The following SIGIRR variants were observed in gnomAD, a reference collection of about 807,000 sequenced individuals.
SIGIRR encodes single Ig and TIR domain containing.
A neutral mutation model predicts 45.6 loss-of-function variants in SIGIRR; 41 were observed. The ratio of observed to expected loss-of-function variants is 0.90; its 90% confidence interval spans 0.70 to 1.17. The LOEUF is 1.17. Ranked by LOEUF, SIGIRR falls within the 50% of genes most tolerant of loss-of-function variation. The probability of loss-of-function intolerance (pLI) is 0.00; values close to 1 mark genes in which losing one functional copy is unlikely to be tolerated. For missense variants in SIGIRR, 599 were observed against 539.6 expected (o/e 1.11, Z -1.09); for synonymous variants, 298 against 239.0 (o/e 1.25, Z -2.28).
rs766709278 is a variant in SIGIRR at position 407,546 on chromosome 11, G to C, written c.504C>G (p.Tyr168Ter). 4.4e-6 allele frequency: 7 copies of C among 1,609,012 alleles called. No individual in the cohort carries two copies. In the African/African-American group the frequency reaches 6.7e-5, roughly 15 times the overall value. Residue 168 changes from tyrosine (Y) to a stop codon, truncating the protein, a stop_gained, in exon 6 of 10, where the codon TAC becomes TAG. Transcript: ENST00000431843. LOFTEE classifies it high-confidence loss of function. ...EINDGKLYDA[Y>*]VSYSDCPEDR... The stretch of plus-strand genomic sequence containing the variant: ...CCTCGGGGCAGTCGCTGTAGGAGAC[G>C]TAGGCGTCGTAGAGCTTCCCGTCTG...
chr11:409,197 C>T, intron 2 of SIGIRR: 2 of 493,826 alleles, frequency 4.1e-6, no homozygotes, highest in Non-Finnish European at 7.6e-6. Context: ...TGAGTCCAGC[C>T]CCCCATTTCC....
Position 407,459 on chromosome 11 carries a change from G to A in SIGIRR, c.591C>T (p.Leu197=). ...PQLERRRGYK[L]FLDDRDLLPR... is the part of the protein sequence containing the mutation. ...GCAGGAGGTCGCGGTCGTCCAGGAA[G>A]AGCTTGTAGCCCCGACGCCGCTCCA... Residue 197 remains leucine, a synonymous_variant, in exon 6 of 10, where the codon CTC becomes CTT. Transcript: ENST00000431843. The A allele has an allele frequency of 1.3e-6, 2 of 1,562,894 alleles. No homozygotes were observed.
At chr11:409,844 C>G (rs766520528) in intron 2 of SIGIRR, 24 bp downstream of exon 2, 57 of 1,360,822 alleles carry the variant, frequency 4.2e-5, no homozygotes, top group Non-Finnish European at 5.2e-5. Flanking sequence ...GGAATTCAAG[C>G]CCATCCCTCT....
rs773176797 is a variant in SIGIRR at position 406,449 on chromosome 11, C to T, written c.969G>A (p.Gln323=). ...GCATGGGGTCCTTGTCGTCCTGCAG[C>T]TGCGTCTGGGGGTCTCCTTCCACAG... ...YRPVEGDPQT[Q]LQDDKDPMLI... is the part of the protein sequence containing the mutation. The change falls in exon 9 of 10, where the codon CAG becomes CAA. Residue 323 remains glutamine, a synonymous_variant. Transcript: ENST00000431843. 1.9e-6 allele frequency: 3 copies of T among 1,612,640 alleles called. No homozygotes were observed. The highest frequency in any genetic ancestry group is 2.5e-6 in the Non-Finnish European group (3 of 1,179,926).
intron 6 of SIGIRR, 122 bp downstream of exon 6, chr11:407,303 C>CG (rs1847374811): frequency 2.7e-5 from 16 of 602,186 alleles, no homozygotes; most frequent in Non-Finnish European, 1.7e-5. Flanking sequence ...GGCGGGGCCT[C>CG]GGGTGGGCGG....
Position 406,431 on chromosome 11 carries a change from G to A in SIGIRR, c.987C>T (p.Asp329=), listed in dbSNP as rs768276736. The A allele has an allele frequency of 1.9e-6, 3 of 1,612,766 alleles. No homozygotes were observed. Among genetic ancestry groups the A allele is most frequent in the East Asian group, 4.5e-5 (2 of 44,882 alleles). ...DPQTQLQDDK[D]PMLILRGRVP... is the part of the protein sequence containing the mutation. The stretch of plus-strand genomic sequence containing the variant: ...CTCGGCCTCGAAGAATCAGCATGGG[G>A]TCCTTGTCGTCCTGCAGCTGCGTCT... Residue 329 remains aspartate, a synonymous_variant, in exon 9 of 10, where the codon GAC becomes GAT. Coordinates refer to ENST00000431843, the MANE Select transcript of SIGIRR (RefSeq NM_001135054.2).
At chr11:410,261 C>A (rs892043783) in intron 1 of SIGIRR, among the ~76,000 whole-genome samples, 1 of 152,092 alleles carries the variant, frequency 6.6e-6, no homozygotes, top group Non-Finnish European at 1.5e-5. Flanking sequence ...CCAGGATCAC[C>A]TCCACCGGCC....
chr11:407,376 CG>C, intron 6 of SIGIRR, 48 bp downstream of exon 6: 2 of 1,153,038 alleles, frequency 1.7e-6, no homozygotes, highest in Non-Finnish European at 2.2e-6. Context: ...TGGGGCGGGG[CG>C]GGGCGGGCCC....
At chr11:409,038 G>C (rs1847477034) in intron 2 of SIGIRR, 145 bp from the exon 3 acceptor site, 1 of 728,432 alleles carries the variant, frequency 1.4e-6, no homozygotes. Flanking sequence ...ATGGGGACAG[G>C]CTTAGCACTT....
intron 3 of SIGIRR, among the ~76,000 whole-genome samples, 180 bp from the exon 4 acceptor site, chr11:408,386 G>A (rs182599278): frequency 6.6e-5 from 10 of 152,300 alleles, no homozygotes; most frequent in East Asian, 1.9e-4. Context: ...CAGAACAGCC[G>A]TCCCAGTCCT....
chr11:413,106 G>A (rs1847746070), intron 1 of SIGIRR, among the ~76,000 whole-genome samples: 2 of 152,168 alleles, frequency 1.3e-5, no homozygotes, highest in African/African-American at 4.8e-5. Flanking sequence ...GGACACAGTG[G>A]AAGTGGGGAT....
intron 1 of SIGIRR, among the ~76,000 whole-genome samples, chr11:412,130 G>A (rs1335701555): frequency 3.0e-5 from 1 of 33,386 alleles, no homozygotes; most frequent in African/African-American, 1.1e-4. Flanking sequence ...ACAGTCGGGG[G>A]GAGGTGCCCA....
chr11:410,456 C>A lies in SIGIRR; in HGVS notation c.-153-429G>T, dbSNP rs1043380395. ...GGGGTGTGAGTGATGTAACCTACACCATGGGAGATGCCCAGCTCTGACCAT... is the reference window on the plus strand; with the variant it reads ...GGGGTGTGAGTGATGTAACCTACACAATGGGAGATGCCCAGCTCTGACCAT... On this transcript the variant is annotated intron_variant, in intron 1 of 9. Transcript: ENST00000431843. Among the ~76,000 whole-genome samples, 10 of 152,228 alleles carry A rather than the reference C, an allele frequency of 6.6e-5. 1 individual carries two copies. The South Asian group carries it at 2.1e-3, about 32-fold the overall frequency.
In SIGIRR at chr11:406,433, C is replaced by T. The variant is rs373913320; in HGVS notation, c.985G>A (p.Asp329Asn). Residue 329 changes from aspartate (D) to asparagine (N), a missense_variant, in exon 9 of 10, where the codon GAC (aspartate) becomes AAC (asparagine). Coordinates refer to ENST00000431843, the MANE Select transcript of SIGIRR (RefSeq NM_001135054.2). Reference sequence around the variant, plus strand: ...CGGCCTCGAAGAATCAGCATGGGGTCCTTGTCGTCCTGCAGCTGCGTCTGG... The same window carrying T: ...CGGCCTCGAAGAATCAGCATGGGGTTCTTGTCGTCCTGCAGCTGCGTCTGG... ...DPQTQLQDDK[D>N]PMLILRGRVP... 1 of 1,612,780 alleles carries T rather than the reference C, an allele frequency of 6.2e-7. No homozygotes were observed. Among genetic ancestry groups the T allele is most frequent in the South Asian group, 1.1e-5 (1 of 91,092 alleles).
rs1288828323 is a variant in SIGIRR at position 407,913 on chromosome 11, G to C, written c.385C>G (p.Leu129Val). Reference protein sequence around the residue: ...VAAVLASLLVLLALLLAALLY... With the variant: ...VAAVLASLLVVLALLLAALLY... ...AGGGCGGCCAGCAGCAGGGCCAGCAGGACCAGGAGGGAGGCCAGCACCGCA... is the reference window on the plus strand; with the variant it reads ...AGGGCGGCCAGCAGCAGGGCCAGCACGACCAGGAGGGAGGCCAGCACCGCA... The change falls in exon 5 of 10, where the codon CTG becomes GTG. Residue 129 changes from leucine to valine, a missense_variant. Coordinates refer to ENST00000431843, the MANE Select transcript of SIGIRR (RefSeq NM_001135054.2). 1 of 1,612,162 alleles carries C rather than the reference G, an allele frequency of 6.2e-7. No homozygotes were observed.
At position 407,119 on chromosome 11, in the gene SIGIRR, A is replaced by AC; in HGVS notation, c.670_671insG (p.Leu224ArgfsTer117). 6.6e-7 allele frequency: 1 copy of AC among 1,520,578 alleles called. No homozygotes were observed. Among genetic ancestry groups the AC allele is most frequent in the Non-Finnish European group, 8.8e-7 (1 of 1,139,828 alleles). The allele number at this position is 1,520,578 out of a possible 1,614,324, so 94.2% of individuals were successfully genotyped here. ...GAAGGCGTCCGAAAGCACCACGATG[A>AC]GGCGTCGGCAGCGGCTCAGGTTCAC... is the stretch of plus-strand genomic sequence containing the variant. On this transcript the variant is annotated frameshift_variant, in exon 7 of 10. Coordinates refer to ENST00000431843, the MANE Select transcript of SIGIRR (RefSeq NM_001135054.2). LOFTEE classifies it high-confidence loss of function.
At chr11:407,215 G>T in intron 6 of SIGIRR, 51 bp from the exon 7 acceptor site, 1 of 939,994 alleles carries the variant, frequency 1.1e-6, no homozygotes, top group Non-Finnish European at 1.5e-6. Flanking sequence ...GGGGAGGGCG[G>T]GGCCGGAGGC....
chr11:406,163 A>C, intron 9 of SIGIRR, 104 bp from the exon 10 acceptor site: 1 of 1,537,734 alleles, frequency 6.5e-7, no homozygotes. Flanking sequence ...ATGGCCTGTG[A>C]GGCCCAGGAA....
rs778148546 is a variant in SIGIRR, at chr11:406,409, G to T, written c.1009C>A (p.Arg337=). The part of the protein sequence containing the change: ...DKDPMLILRG[R]VPEGRALDSE... The stretch of plus-strand genomic sequence containing the variant: ...TCCAGGGCCCGGCCCTCAGGGACTC[G>T]GCCTCGAAGAATCAGCATGGGGTCC... The change falls in exon 9 of 10, where the codon CGA becomes AGA. Residue 337 remains arginine, a synonymous_variant. Transcript: ENST00000431843. The T allele has an allele frequency of 3.1e-6, 5 of 1,612,598 alleles. No individual in the cohort carries two copies. The highest frequency in any genetic ancestry group is 2.2e-5 in the South Asian group (2 of 91,092).
Sources: gnomAD v4.1 joint callset for allele counts (sites outside exome capture counted in the v4.1 genomes callset) on GRCh38, gnomAD v4.1.1 for gene constraint, MANE v1.5 for transcripts, NCBI Gene and HGNC (gene_info 2026-07-23, HGNC 2026-07-21) for gene names.